The following ZFR2 variants were observed in gnomAD, a reference collection of about 807,000 sequenced individuals.
The protein encoded by ZFR2 is zinc finger RNA-binding protein 2.
A neutral mutation model predicts 105.7 loss-of-function variants in ZFR2; 104 were observed. The ratio of observed to expected loss-of-function variants is 0.98; its 90% CI spans 0.84 to 1.16. ZFR2 has a LOEUF of 1.16. Ranked by LOEUF, ZFR2 falls within the 50% of genes most tolerant of loss-of-function variation. The probability of loss-of-function intolerance (pLI) is 0.00; values close to 1 mark genes in which losing one functional copy is unlikely to be tolerated. For missense variants in ZFR2, 1,425 were observed against 1,355.5 expected (o/e 1.05, Z -0.80); for synonymous variants, 634 against 597.7 (o/e 1.06, Z -0.89).
At chr19:3,811,165 C>G (rs1318906313) in intron 15 of ZFR2, 107 bp downstream of exon 15, 7 of 1,138,754 alleles carry the variant, frequency 6.1e-6, no homozygotes, top group Non-Finnish European at 8.4e-6. Context: ...CCGGTCTGCG[C>G]TGGGAGCCCA....
Position 3,833,949 on chromosome 19 carries a change from A to G in ZFR2, c.265-171T>C, listed in dbSNP as rs1217002291. 2.0e-5 allele frequency among the ~76,000 whole-genome samples: 3 copies of G among 150,088 alleles called. No homozygotes were observed. The East Asian group carries it at 6.2e-4, about 31-fold the overall frequency. ...GGCCCGGAGGCAGGGGGCAGGGGGC[A>G]GGGGGCAGGGGGCAGGGGGCGTGGT... On this transcript the variant is annotated intron_variant, in intron 2 of 18. Coordinates refer to ENST00000262961, the MANE Select transcript of ZFR2 (RefSeq NM_015174.2).
At chr19:3,851,345 AAT>A (rs1160473439) in intron 1 of ZFR2, among the ~76,000 whole-genome samples, 1 of 152,214 alleles carries the variant, frequency 6.6e-6, no homozygotes, top group Admixed American at 6.5e-5. Flanking sequence ...AGCCAAGAGT[AAT>A]ATGTGTTTGG....
rs985163157 is a variant in ZFR2, at chr19:3,816,837, G to T, written c.1940C>A (p.Ala647Asp). 1 of 1,561,088 alleles carries T rather than the reference G, an allele frequency of 6.4e-7. No homozygotes were observed. Among genetic ancestry groups the T allele is most frequent in the East Asian group, 2.4e-5 (1 of 41,694 alleles). The change falls in exon 13 of 19, where the codon GCC becomes GAC. Residue 647 changes from alanine (A) to aspartate (D), a missense_variant. By Grantham distance (126) the Ala-to-Asp change is moderately radical. Transcript: ENST00000262961. ...GCCTTTCAGGACCCGAGTCTGGGGG[G>T]CAACGCTGCTGTGGGGACAAAGCCA... ...EEEGDKRSSV[A>D]PQTRVLKGVM... is the part of the protein sequence containing the mutation.
chr19:3,809,395 G>A (rs1244267251), intron 16 of ZFR2, among the ~76,000 whole-genome samples: 1 of 152,132 alleles, frequency 6.6e-6, no homozygotes, highest in Non-Finnish European at 1.5e-5. Context: ...CACCACGTGG[G>A]GCCCGCCTCA....
intron 1 of ZFR2, among the ~76,000 whole-genome samples, chr19:3,859,419 T>A (rs2038345170): frequency 6.6e-6 from 1 of 152,210 alleles, no homozygotes. Context: ...CGTGGGACTT[T>A]ACCTTGTGAC....
At chr19:3,846,063 G>GC (rs767749798) in intron 1 of ZFR2, among the ~76,000 whole-genome samples, 5 of 152,214 alleles carry the variant, frequency 3.3e-5, no homozygotes, top group South Asian at 2.1e-4. Flanking sequence ...TGCAACCTCT[G>GC]CCCCCCAGGT....
intron 1 of ZFR2, among the ~76,000 whole-genome samples, chr19:3,836,588 ATTACT>A (rs2038077738): frequency 6.6e-6 from 1 of 152,208 alleles, no homozygotes; most frequent in Non-Finnish European, 1.5e-5. Flanking sequence ...TATTAAAATA[ATTACT>A]TTAGTTAGCA....
In ZFR2 at chr19:3,834,926, G is replaced by A. The variant is rs751028880; in HGVS notation, c.111C>T (p.Pro37=). The A allele has an allele frequency of 1.9e-6, 3 of 1,611,740 alleles. No individual in the cohort carries two copies. The highest frequency in any genetic ancestry group is 2.2e-5 in the East Asian group (1 of 44,818). Residue 37 remains proline, a synonymous_variant, in exon 2 of 19, where the codon CCC becomes CCT. Transcript: ENST00000262961. This position sits in a 1 kb window ranked among gnomAD's most constrained non-coding sequence, Gnocchi z 5.3. ...PTVGASYTAQ[P]TPGMDPAVNP... is the part of the protein sequence containing the mutation. ...TCACGGCAGGGTCCATCCCAGGAGT[G>A]GGTTGTGCAGTATAGCTGGCCCCCA...
intron 1 of ZFR2, chr19:3,855,583 C>T (rs914981895): frequency 1.9e-5 from 11 of 572,050 alleles, no homozygotes; most frequent in Admixed American, 1.3e-4. Context: ...CAGGGAGACA[C>T]GGGGTCAGCA....
At chr19:3,867,155 C>A (rs1017841371) in intron 1 of ZFR2, among the ~76,000 whole-genome samples, 3 of 152,180 alleles carry the variant, frequency 2.0e-5, no homozygotes, top group African/African-American at 7.2e-5. Context: ...GGGCAAAGAC[C>A]CCCCTGAGCT....
intron 3 of ZFR2, among the ~76,000 whole-genome samples, chr19:3,833,212 G>T (rs2038037579): frequency 6.9e-6 from 1 of 145,122 alleles, no homozygotes; most frequent in Non-Finnish European, 1.5e-5. Flanking sequence ...TCGCACCACT[G>T]CACTCCAGCC....
intron 7 of ZFR2, 86 bp downstream of exon 7, chr19:3,825,144 G>T (rs1436614169): frequency 3.7e-6 from 5 of 1,369,134 alleles, no homozygotes; most frequent in South Asian, 3.5e-5. Flanking sequence ...GACGAAAATC[G>T]ACTGGATGGT....
intron 1 of ZFR2, among the ~76,000 whole-genome samples, chr19:3,842,667 T>C (rs997723850): frequency 4.0e-5 from 6 of 151,484 alleles, no homozygotes; most frequent in Middle Eastern, 7.0e-3. Context: ...CTTGTGGTCC[T>C]GGCTGGAGTG....
chr19:3,814,736 T>C (rs1175545822), intron 13 of ZFR2, among the ~76,000 whole-genome samples: 5 of 152,168 alleles, frequency 3.3e-5, no homozygotes, highest in Non-Finnish European at 7.4e-5. Context: ...GCAGGAAATG[T>C]GAGATGCAAT....
At chr19:3,821,083 C>T (rs1381200411) in intron 10 of ZFR2, among the ~76,000 whole-genome samples, 4 of 152,050 alleles carry the variant, frequency 2.6e-5, no homozygotes, top group Non-Finnish European at 4.4e-5. Context: ...GCGAGTTGGC[C>T]GGCAGTGTCC....
At position 3,831,839 on chromosome 19, in the gene ZFR2, C is replaced by G. The variant is rs1461168324; in HGVS notation, c.419G>C (p.Ser140Thr). 1 of 1,604,302 alleles carries G rather than the reference C, an allele frequency of 6.2e-7. No homozygotes were observed. The highest frequency in any genetic ancestry group is 2.2e-5 in the East Asian group (1 of 44,834). ...EACGQPSPHG[S>T]HSHAQPPQQA... ...CTGTGGGGGCTGAGCGTGGCTGTGA[C>G]TGCCATGGGGGCTGGGCTGCCCGCA... Residue 140 changes from serine (S) to threonine (T), a missense_variant, in exon 4 of 19, where the codon AGT (serine) becomes ACT (threonine). By Grantham distance (58) the Ser-to-Thr change is moderately conservative (BLOSUM62 1). Transcript: ENST00000262961.
At chr19:3,852,726 A>G in intron 1 of ZFR2, 1 of 638,450 alleles carries the variant, frequency 1.6e-6, no homozygotes, top group East Asian at 2.7e-5. Context: ...CTGAGCCAGC[A>G]AAAACACAGC....
In ZFR2 at chr19:3,860,016, C is replaced by T. The variant is rs1054274794; in HGVS notation, c.53+8949G>A. ...AAAGGAGTTCTGTTAACTCAATCCT[C>T]GGGAAGATACCAAAAGGACTTTTTT... On this transcript the variant is annotated intron_variant, in intron 1 of 18. Coordinates refer to ENST00000262961, the MANE Select transcript of ZFR2 (RefSeq NM_015174.2). Among the ~76,000 whole-genome samples the T allele has an allele frequency of 6.6e-5, 10 of 152,038 alleles. No individual in the cohort carries two copies. In the South Asian group the frequency reaches 8.3e-4, roughly 13 times the overall value.
rs1159329798 is a variant in ZFR2 at position 3,827,588 on chromosome 19, C to A, written c.918G>T (p.Val306=). The change falls in exon 6 of 19, where the codon GTG becomes GTT. Residue 306 remains valine, a synonymous_variant. Transcript: ENST00000262961. ...RKKEAAQKTG[V]QPNGSPRGVQ... The stretch of plus-strand genomic sequence containing the variant: ...CCCCGCGCGGGCTCCCGTTGGGCTG[C>A]ACGCCTGTCTTCTGGGCCGCCTCCT... 1 of 1,576,164 alleles carries A rather than the reference C, an allele frequency of 6.3e-7. No homozygotes were observed. Among genetic ancestry groups the A allele is most frequent in the South Asian group, 1.2e-5 (1 of 85,800 alleles).
Sources: gnomAD v4.1 joint callset for allele counts (sites outside exome capture counted in the v4.1 genomes callset) on GRCh38, gnomAD v4.1.1 for gene constraint, Gnocchi (gnomAD v3.1) non-coding constraint, MANE v1.5 for transcripts, NCBI Gene and HGNC (gene_info 2026-07-23, HGNC 2026-07-21) for gene names.